Variants in MAPK8 observed in about 807,000 individuals in gnomAD.
MAPK8 encodes JUN N-terminal kinase.
MAPK8 carries 13 observed loss-of-function variants against 52.9 expected under a neutral mutation model. That is an observed-to-expected ratio of 0.25 (90% CI 0.16 to 0.39). The LOEUF is 0.39. Ranked by LOEUF, MAPK8 falls within the 10% of genes least tolerant of loss-of-function variation. The probability of loss-of-function intolerance (pLI) is 1.00; values close to 1 mark genes in which losing one functional copy is unlikely to be tolerated. For synonymous variants in MAPK8, 191 were observed against 169.8 expected, an observed-to-expected ratio of 1.12 and a Z score of -0.97; for missense variants, 300 against 519.2, an observed-to-expected ratio of 0.58 and a Z score of 4.10.
chr10:48,374,500 TAAA>T (rs1048421743), intron 1 of MAPK8, among the ~76,000 whole-genome samples: 21 of 151,708 alleles, frequency 1.4e-4, no homozygotes, highest in African/African-American at 3.1e-4. Flanking sequence ...GCCAGACTAA[TAAA>T]GAAGAAAAGA....
chr10:48,378,671 A>G (rs1226810051), intron 1 of MAPK8, among the ~76,000 whole-genome samples: 2 of 152,112 alleles, frequency 1.3e-5, no homozygotes, highest in East Asian at 3.8e-4. Flanking sequence ...CAGGTGTGTT[A>G]TAGTTTTCTT....
At chr10:48,362,670 C>G (rs1427484199) in intron 1 of MAPK8, among the ~76,000 whole-genome samples, 2 of 151,790 alleles carry the variant, frequency 1.3e-5, no homozygotes, top group Admixed American at 1.3e-4. Flanking sequence ...AAATGTGCCT[C>G]CAAAATTTAA....
chr10:48,340,638 A>G (rs1340219952), intron 1 of MAPK8, among the ~76,000 whole-genome samples: 1 of 152,228 alleles, frequency 6.6e-6, no homozygotes, highest in African/African-American at 2.4e-5. Context: ...TCAGATGAGA[A>G]GTCTGTTGTA....
chr10:48,414,899 A>C (rs1268150529), intron 5 of MAPK8, among the ~76,000 whole-genome samples: 1 of 152,102 alleles, frequency 6.6e-6, no homozygotes, highest in Non-Finnish European at 1.5e-5. Context: ...TTTAAAAATT[A>C]TTTAATTCAG....
chr10:48,374,252 A>G (rs1478354050), intron 1 of MAPK8, among the ~76,000 whole-genome samples: 1 of 152,200 alleles, frequency 6.6e-6, no homozygotes, highest in African/African-American at 2.4e-5. Context: ...GCATGCCTAG[A>G]GGAAAATTTA....
rs183500683 is a variant in MAPK8 at position 48,321,101 on chromosome 10, T to G, written c.-50+14280T>G. 6.7e-5 allele frequency among the ~76,000 whole-genome samples: 10 copies of G among 149,728 alleles called. No homozygotes were observed. The East Asian group carries it at 1.8e-3, about 26-fold the overall frequency. On this transcript the variant is annotated intron_variant, in intron 1 of 11. Transcript: ENST00000374189. ...TTACGTTGTAAGAGTTTTTTTTTTT[T>G]TTTTTTTTTTTAAGAGATGGGGTTC...
At chr10:48,393,532 C>G (rs1228791442) in intron 1 of MAPK8, among the ~76,000 whole-genome samples, 1 of 151,878 alleles carries the variant, frequency 6.6e-6, no homozygotes, top group Non-Finnish European at 1.5e-5. Flanking sequence ...GATGTAATAC[C>G]ACGGACTAGA....
At chr10:48,415,086 T>C (rs1564606022) in intron 5 of MAPK8, among the ~76,000 whole-genome samples, 1 of 152,174 alleles carries the variant, frequency 6.6e-6, no homozygotes, top group Admixed American at 6.5e-5. Flanking sequence ...GTAAGTGAAT[T>C]CCTTGTATAT....
At chr10:48,409,994 G>A in intron 4 of MAPK8, 36 bp from the exon 5 acceptor site, 6 of 1,607,364 alleles carry the variant, frequency 3.7e-6, no homozygotes, top group Non-Finnish European at 5.1e-6. Flanking sequence ...GATTGCTGCT[G>A]GACACTTTAG....
intron 11 of MAPK8, among the ~76,000 whole-genome samples, chr10:48,431,894 G>A (rs1035887263): frequency 5.3e-5 from 8 of 152,050 alleles, no homozygotes; most frequent in African/African-American, 1.7e-4. Context: ...AGACACTAGT[G>A]GTTTATATAC....
At chr10:48,399,241 A>G (rs115279132) in intron 1 of MAPK8, among the ~76,000 whole-genome samples, 1,690 of 152,320 alleles carry the variant, frequency 0.011, 33 homozygotes, top group African/African-American at 0.039. Flanking sequence ...TAGCTGCAAC[A>G]CTGTGAGGAG....
chr10:48,426,169 G>C, intron 8 of MAPK8, 99 bp downstream of exon 8: 1 of 1,151,252 alleles, frequency 8.7e-7, no homozygotes, highest in East Asian at 2.5e-5. Flanking sequence ...TATGGGACAT[G>C]AACCCAAGGT....
At chr10:48,404,246 TC>T in intron 2 of MAPK8, among the ~76,000 whole-genome samples, 1 of 151,828 alleles carries the variant, frequency 6.6e-6, no homozygotes, top group Non-Finnish European at 1.5e-5. Context: ...AACTTCCGCC[TC>T]CCAGGTTCAA....
chr10:48,313,365 G>A (rs1394552459), intron 1 of MAPK8, among the ~76,000 whole-genome samples: 3 of 152,000 alleles, frequency 2.0e-5, no homozygotes, highest in Non-Finnish European at 2.9e-5. Flanking sequence ...TCTAGGAGGC[G>A]GAGGTTGCAG....
chr10:48,348,309 T>G (rs538970869), intron 1 of MAPK8, among the ~76,000 whole-genome samples: 2 of 152,340 alleles, frequency 1.3e-5, no homozygotes, highest in East Asian at 3.9e-4. Context: ...ATGGATAGAT[T>G]GCAAAAATTT....
intron 1 of MAPK8, among the ~76,000 whole-genome samples, chr10:48,375,264 C>G (rs1375905659): frequency 6.6e-6 from 1 of 152,144 alleles, no homozygotes; most frequent in African/African-American, 2.4e-5. Context: ...CTATTTATGA[C>G]AAACCCACAG....
chr10:48,342,414 T>C (rs1352749768), intron 1 of MAPK8, among the ~76,000 whole-genome samples: 3 of 152,196 alleles, frequency 2.0e-5, no homozygotes, highest in Non-Finnish European at 4.4e-5. Context: ...CATAATTTTA[T>C]TTTTTATAAA....
In MAPK8 at chr10:48,423,284, C is replaced by T. The variant is rs577275024; in HGVS notation, c.617-804C>T. Among the ~76,000 whole-genome samples the T allele has an allele frequency of 5.9e-5, 9 of 152,308 alleles. No homozygotes were observed. The East Asian group carries it at 1.5e-3, about 26-fold the overall frequency. Reference sequence around the variant, plus strand: ...TCAGTAAGTCTTCCAGGAGACTCTTCATACTCAATTCGTGGGAACTGACTT... The same window carrying T: ...TCAGTAAGTCTTCCAGGAGACTCTTTATACTCAATTCGTGGGAACTGACTT... On this transcript the variant is annotated intron_variant, in intron 6 of 11. Transcript: ENST00000374189.
At chr10:48,347,271 AC>A (rs1845879824) in intron 1 of MAPK8, among the ~76,000 whole-genome samples, 1 of 152,150 alleles carries the variant, frequency 6.6e-6, no homozygotes, top group African/African-American at 2.4e-5. Context: ...TAATGTAATA[AC>A]CCAAATATCC....
Sources: gnomAD v4.1 joint callset for allele counts (sites outside exome capture counted in the v4.1 genomes callset) on GRCh38, gnomAD v4.1.1 for gene constraint, MANE v1.5 for transcripts, NCBI Gene and HGNC (gene_info 2026-07-23, HGNC 2026-07-21) for gene names.